CAMTA1: variants seen among roughly 807,000 people sequenced by gnomAD.
CAMTA1 encodes the protein calmodulin binding transcription activator 1, also known as calmodulin-binding transcription activator 1.
A neutral mutation model predicts 170.9 loss-of-function variants in CAMTA1; 27 were observed. The observed-to-expected ratio is 0.16, with a 90% CI of 0.12 to 0.22. The LOEUF (loss-of-function observed/expected upper bound fraction) is 0.22, where lower values mean the gene tolerates loss of function less well. Among genes scored for constraint, CAMTA1 ranks in the 10% least tolerant of loss-of-function variants. CAMTA1 has a pLI of 1.00. For synonymous variants in CAMTA1, 833 were observed against 891.5 expected, an observed-to-expected ratio of 0.93 and a Z score of 1.17; for missense variants, 1,619 against 2,217.2, an observed-to-expected ratio of 0.73 and a Z score of 5.42.
chr1:7,386,967 C>T (rs759421329), intron 5 of CAMTA1, among the ~76,000 whole-genome samples: 10 of 152,112 alleles, frequency 6.6e-5, no homozygotes, highest in Admixed American at 1.3e-4. Flanking sequence ...GCTACATCTC[C>T]GGTCCCTCTT....
chr1:7,675,195 C>T (rs939818791), intron 10 of CAMTA1, among the ~76,000 whole-genome samples: 3 of 152,068 alleles, frequency 2.0e-5, no homozygotes, highest in Admixed American at 2.0e-4. Context: ...GGCCCTGGGG[C>T]AGAAAGAGGT....
At chr1:7,712,182 A>G (rs573145488) in intron 11 of CAMTA1, among the ~76,000 whole-genome samples, 1 of 152,362 alleles carries the variant, frequency 6.6e-6, no homozygotes, top group Admixed American at 6.5e-5. Context: ...AGTTTTGGTG[A>G]AGATTCTTAA....
intron 11 of CAMTA1, among the ~76,000 whole-genome samples, chr1:7,706,660 T>G (rs1197642829): frequency 6.6e-6 from 1 of 152,204 alleles, no homozygotes; most frequent in Non-Finnish European, 1.5e-5. Flanking sequence ...TAGCATTTAC[T>G]TACAGCGTAT....
At chr1:7,328,076 C>T (rs1316598648) in intron 5 of CAMTA1, among the ~76,000 whole-genome samples, 1 of 152,098 alleles carries the variant, frequency 6.6e-6, no homozygotes, top group African/African-American at 2.4e-5. Context: ...GAGGTTGTCT[C>T]TCTAGCTTTG....
At chr1:7,762,848 G>A (rs1057154309) in intron 22 of CAMTA1, among the ~76,000 whole-genome samples, 2 of 152,024 alleles carry the variant, frequency 1.3e-5, no homozygotes, top group Admixed American at 1.3e-4. Flanking sequence ...AATCAATATA[G>A]TGTCTTATAA....
At chr1:7,048,464 G>T (rs1408888275) in intron 3 of CAMTA1, among the ~76,000 whole-genome samples, 1 of 152,216 alleles carries the variant, frequency 6.6e-6, no homozygotes, top group Non-Finnish European at 1.5e-5. Flanking sequence ...TCAGGAATGG[G>T]TCTTCTCAGG....
intron 3 of CAMTA1, among the ~76,000 whole-genome samples, chr1:6,858,106 AAGAT>A (rs1294492484): frequency 1.3e-5 from 2 of 152,242 alleles, no homozygotes; most frequent in African/African-American, 2.4e-5. Context: ...TGAAGAAAGA[AAGAT>A]AGGCCAGTCA....
chr1:7,628,314 G>A (rs2095646916), intron 6 of CAMTA1, among the ~76,000 whole-genome samples: 1 of 152,226 alleles, frequency 6.6e-6, no homozygotes, highest in Admixed American at 6.5e-5. Flanking sequence ...ATTGGCTCTG[G>A]TGGAGCCATG....
At chr1:7,339,718 TC>T (rs1345187135) in intron 5 of CAMTA1, among the ~76,000 whole-genome samples, 1 of 152,108 alleles carries the variant, frequency 6.6e-6, no homozygotes, top group African/African-American at 2.4e-5. Context: ...TGCCTCAGCC[TC>T]CCAAGTAGCT....
intron 3 of CAMTA1, among the ~76,000 whole-genome samples, chr1:6,888,729 C>T (rs891678540): frequency 6.6e-6 from 1 of 152,218 alleles, no homozygotes; most frequent in Non-Finnish European, 1.5e-5. Context: ...CCACAGATGC[C>T]ATGGTTACCC....
Position 7,410,452 on chromosome 1 carries a change from C to A in CAMTA1, c.439-57378C>A, listed in dbSNP as rs978785459. 5.3e-5 allele frequency among the ~76,000 whole-genome samples: 8 copies of A among 152,348 alleles called. No homozygotes were observed. The East Asian group carries it at 1.5e-3, about 29-fold the overall frequency. ...GTGGGTGCAGAGTGACACGTGGAGC[C>A]CATCTGATGGCTTTTGCGTTTGAAC... On this transcript the variant is annotated intron_variant, in intron 5 of 22. Transcript: ENST00000303635.
rs142704813 is a variant in CAMTA1 at position 7,508,250 on chromosome 1, C to A, written c.510+40349C>A. Among the ~76,000 whole-genome samples the A allele has an allele frequency of 3.8e-3, 583 of 152,284 alleles. 2 individuals carry two copies. The highest frequency in any genetic ancestry group is 0.013 in the African/African-American group (560 of 41,564). ...GGGCCTCCGGTGGACCCTCCACAGACCCCTGTCACAGCCATGGGGAGCACC... is the reference window on the plus strand; with the variant it reads ...GGGCCTCCGGTGGACCCTCCACAGAACCCTGTCACAGCCATGGGGAGCACC... On this transcript the variant is annotated intron_variant, in intron 6 of 22. Coordinates refer to ENST00000303635, the MANE Select transcript of CAMTA1 (RefSeq NM_015215.4).
intron 5 of CAMTA1, among the ~76,000 whole-genome samples, chr1:7,290,524 C>T (rs2149497998): frequency 6.6e-6 from 1 of 152,294 alleles, no homozygotes; most frequent in East Asian, 1.9e-4. Context: ...TTCCATACCT[C>T]TGGGTCTCTG....
rs868156783 is a variant in CAMTA1, at chr1:7,683,000, C to T, written c.2914+5267C>T. The stretch of plus-strand genomic sequence containing the variant: ...TCCTGGTTAACACGGTGAAACCCCG[C>T]CTCTACTAAAAATACAAAAACAAAA... On this transcript the variant is annotated intron_variant, in intron 11 of 22. Coordinates refer to ENST00000303635, the MANE Select transcript of CAMTA1 (RefSeq NM_015215.4). This position sits in a 1 kb window ranked among gnomAD's most constrained non-coding sequence, Gnocchi z 5.0. Among the ~76,000 whole-genome samples the T allele has an allele frequency of 1.2e-4, 19 of 152,002 alleles. No individual in the cohort carries two copies. Among genetic ancestry groups the T allele is most frequent in the South Asian group, 6.2e-4 (3 of 4,808 alleles).
At chr1:6,848,349 C>G (rs1308541790) in intron 3 of CAMTA1, among the ~76,000 whole-genome samples, 1 of 152,158 alleles carries the variant, frequency 6.6e-6, no homozygotes. Context: ...GACAGAGTCT[C>G]CCTACATTTC....
intron 11 of CAMTA1, among the ~76,000 whole-genome samples, chr1:7,695,039 T>C (rs2096360212): frequency 6.6e-6 from 1 of 152,200 alleles, no homozygotes; most frequent in Admixed American, 6.5e-5. Context: ...TTTTATAAGC[T>C]CCATGATGTT....
chr1:7,333,853 T>C lies in CAMTA1; in HGVS notation c.438+84227T>C, dbSNP rs563846263. On this transcript the variant is annotated intron_variant, in intron 5 of 22. Transcript: ENST00000303635. This position sits in a 1 kb window ranked among gnomAD's most constrained non-coding sequence, Gnocchi z 4.4. ...TCCTCTCTCTGTGTTTACATTTTAA[T>C]GGGCATTCCAGTGAAATGGAGGAAT... Among the ~76,000 whole-genome samples, 1 of 152,322 alleles carries C rather than the reference T, an allele frequency of 6.6e-6. No individual in the cohort carries two copies. Among genetic ancestry groups the C allele is most frequent in the African/African-American group, 2.4e-5 (1 of 41,572 alleles).
At chr1:7,139,191 T>C (rs1438645392) in intron 4 of CAMTA1, among the ~76,000 whole-genome samples, 1 of 141,524 alleles carries the variant, frequency 7.1e-6, no homozygotes, top group Non-Finnish European at 1.5e-5. Flanking sequence ...TTTAGAAAAT[T>C]ATATTTATAA....
At chr1:7,419,686 A>G (rs1575215437) in intron 5 of CAMTA1, among the ~76,000 whole-genome samples, 1 of 152,102 alleles carries the variant, frequency 6.6e-6, no homozygotes, top group East Asian at 1.9e-4. Context: ...GGACGTTTGC[A>G]TTTCAAACTG....
Sources: gnomAD v4.1 joint callset for allele counts (sites outside exome capture counted in the v4.1 genomes callset) on GRCh38, gnomAD v4.1.1 for gene constraint, Gnocchi (gnomAD v3.1) non-coding constraint, MANE v1.5 for transcripts, NCBI Gene and HGNC (gene_info 2026-07-23, HGNC 2026-07-21) for gene names.